Variants in POLE2 observed in about 807,000 individuals in gnomAD.
POLE2 encodes DNA polymerase epsilon subunit 2.
A neutral mutation model predicts 79.4 loss-of-function variants in POLE2; 56 were observed. The ratio of observed to expected loss-of-function variants is 0.71; its 90% confidence interval spans 0.57 to 0.88. The LOEUF is 0.88. Among genes scored for constraint, POLE2 ranks in the 40% least tolerant of loss-of-function variants. The pLI is 0.00. For missense variants in POLE2, 598 were observed against 638.9 expected, an observed-to-expected ratio of 0.94 and a Z score of 0.69; for synonymous variants, 212 against 214.0, an observed-to-expected ratio of 0.99 and a Z score of 0.08.
At chr14:49,647,953 T>C (rs895668459) in intron 17 of POLE2, among the ~76,000 whole-genome samples, 1 of 152,096 alleles carries the variant, frequency 6.6e-6, no homozygotes, top group South Asian at 2.1e-4. Context: ...AAAGATGAGG[T>C]TGGAAATGCT....
At chr14:49,677,784 C>T in intron 3 of POLE2, 3 of 850,076 alleles carry the variant, frequency 3.5e-6, no homozygotes, top group Non-Finnish European at 5.2e-6. Flanking sequence ...CAGCTCCTGG[C>T]CTCAATGATG....
chr14:49,654,557 C>T, intron 13 of POLE2: 2 of 479,248 alleles, frequency 4.2e-6, no homozygotes, highest in Non-Finnish European at 3.5e-6. Context: ...AGAGTAATGC[C>T]ACGAAGAAAT....
At chr14:49,685,789 G>T (rs954257176) in intron 1 of POLE2, among the ~76,000 whole-genome samples, 70 of 144,284 alleles carry the variant, frequency 4.9e-4, no homozygotes, top group African/African-American at 1.3e-3. Context: ...TGGCTGGTTG[G>T]TTTTTTTTTT....
intron 12 of POLE2, 26 bp downstream of exon 12, chr14:49,654,979 C>T (rs1330928896): frequency 1.4e-6 from 2 of 1,457,462 alleles, no homozygotes; most frequent in East Asian, 2.5e-5. Context: ...TATAGAAACA[C>T]TTCTTATTAA....
At chr14:49,674,095 C>A (rs1438397189) in intron 5 of POLE2, 28 bp downstream of exon 5, 1 of 1,221,608 alleles carries the variant, frequency 8.2e-7, no homozygotes, top group South Asian at 1.2e-5. Flanking sequence ...TACCCAGTAT[C>A]CTCCCCTCCG....
intron 18 of POLE2, chr14:49,646,756 G>A (rs1883807142): frequency 6.6e-6 from 1 of 152,246 alleles, no homozygotes; most frequent in African/African-American, 2.4e-5. Flanking sequence ...GTCATTTGAT[G>A]AGTCTGGGGC....
In POLE2 at chr14:49,667,184, CA is replaced by C. The variant is rs1446520552; in HGVS notation, c.493-772del. On this transcript the variant is annotated intron_variant, in intron 6 of 18. Transcript: ENST00000216367. ...TGGGTGACAGAGCAAGACTCTGTCTCAAAAAAAAAACAAAAAAAACAAAAAA... is the reference window on the plus strand; with the variant it reads ...TGGGTGACAGAGCAAGACTCTGTCTCAAAAAAAAACAAAAAAAACAAAAAA... Among the ~76,000 whole-genome samples the C allele has an allele frequency of 5.4e-5, 7 of 130,558 alleles. No homozygotes were observed. In the East Asian group the frequency reaches 6.6e-4, roughly 12 times the overall value. The allele number at this position is 130,558 out of a possible 152,430, so 85.7% of individuals were successfully genotyped here.
intron 6 of POLE2, among the ~76,000 whole-genome samples, chr14:49,668,025 A>G (rs1339133390): frequency 6.6e-6 from 1 of 152,214 alleles, no homozygotes; most frequent in Non-Finnish European, 1.5e-5. Context: ...TAATCCCAGC[A>G]CTTTGGGAGG....
chr14:49,656,039 A>G (rs891535673), intron 10 of POLE2, among the ~76,000 whole-genome samples, 196 bp from the exon 11 acceptor site: 9 of 152,218 alleles, frequency 5.9e-5, no homozygotes, highest in Non-Finnish European at 8.8e-5. Flanking sequence ...TAAATAAAAT[A>G]ATAGGCTATA....
At chr14:49,665,703 C>CT (rs1885435905) in intron 7 of POLE2, among the ~76,000 whole-genome samples, 1 of 138,796 alleles carries the variant, frequency 7.2e-6, no homozygotes, top group African/African-American at 2.7e-5. Context: ...TTTACTATTA[C>CT]AAAAGTTTAT....
At chr14:49,654,336 T>G in intron 13 of POLE2, 122 bp from the exon 14 acceptor site, 2 of 702,888 alleles carry the variant, frequency 2.8e-6, no homozygotes, top group Non-Finnish European at 4.8e-6. Flanking sequence ...TTTCATGCAT[T>G]ATAATAAATG....
At chr14:49,674,297 GA>G (rs1049194977) in intron 4 of POLE2, 52 bp downstream of exon 4, 122 of 1,441,458 alleles carry the variant, frequency 8.5e-5, no homozygotes, top group Non-Finnish European at 1.0e-4. Context: ...TATACCTTCT[GA>G]AAAAAAAAGT....
At position 49,655,857 on chromosome 14, in the gene POLE2, A is replaced by C; in HGVS notation, c.756-14T>G. 7.9e-7 allele frequency: 1 copy of C among 1,272,116 alleles called. No homozygotes were observed. Among genetic ancestry groups the C allele is most frequent in the Non-Finnish European group, 1.1e-6 (1 of 889,794 alleles). 78.8% of individuals were successfully genotyped at this position (1,272,116 alleles called of 1,614,324 possible). ...CCATAGTATGCCCTAGATAATTATAACATAATTATCTTCTATATACCACTA... is the reference window on the plus strand; with the variant it reads ...CCATAGTATGCCCTAGATAATTATACCATAATTATCTTCTATATACCACTA... On this transcript the variant is annotated splice_polypyrimidine_tract_variant and intron_variant, in intron 10 of 18. Coordinates refer to ENST00000216367, the MANE Select transcript of POLE2 (RefSeq NM_002692.4).
At chr14:49,676,505 A>G (rs1398114538) in intron 3 of POLE2, among the ~76,000 whole-genome samples, 1 of 152,250 alleles carries the variant, frequency 6.6e-6, no homozygotes, top group Non-Finnish European at 1.5e-5. Flanking sequence ...CTGTGGTATG[A>G]TATAATGACT....
At chr14:49,674,787 A>C (rs1886144660) in intron 3 of POLE2, among the ~76,000 whole-genome samples, 1 of 151,976 alleles carries the variant, frequency 6.6e-6, no homozygotes, top group Non-Finnish European at 1.5e-5. Flanking sequence ...GCTGATCTCA[A>C]ACTCCCGACC....
At chr14:49,678,852 T>A (rs1213686423) in intron 3 of POLE2, among the ~76,000 whole-genome samples, 1 of 151,844 alleles carries the variant, frequency 6.6e-6, no homozygotes, top group African/African-American at 2.4e-5. Context: ...GAGATGGGTT[T>A]CACCATGTTG....
chr14:49,648,239 A>G (rs1594623493), intron 17 of POLE2, among the ~76,000 whole-genome samples: 1 of 152,200 alleles, frequency 6.6e-6, no homozygotes, highest in South Asian at 2.1e-4. Flanking sequence ...CGAACCCAAC[A>G]CCTAGCCTAT....
chr14:49,677,529 G>C (rs191550481), intron 3 of POLE2: 73 of 487,194 alleles, frequency 1.5e-4, no homozygotes, highest in African/African-American at 1.2e-3. Flanking sequence ...ACCAGGCCCT[G>C]ACCCTGCCGG....
At chr14:49,646,379 G>A (rs1040167058) in intron 18 of POLE2, among the ~76,000 whole-genome samples, 3 of 139,326 alleles carry the variant, frequency 2.2e-5, no homozygotes, top group Non-Finnish European at 4.5e-5. Flanking sequence ...GTGCAGTGGC[G>A]CCATCTCTGC....
Sources: allele counts gnomAD v4.1 joint callset (sites outside exome capture counted in the v4.1 genomes callset), GRCh38; gene constraint gnomAD v4.1.1; transcripts MANE v1.5; gene names NCBI Gene and HGNC (gene_info 2026-07-23, HGNC 2026-07-21).